Variants in TTC23 observed in about 807,000 individuals in gnomAD.
The protein encoded by TTC23 is tetratricopeptide repeat protein 23.
Under a neutral mutation model 55.1 loss-of-function variants are expected in TTC23, and 58 were observed. That is an observed-to-expected ratio of 1.05 (90% CI 0.85 to 1.31). The LOEUF is 1.31. TTC23 is among the 50% of genes most tolerant of loss of function. TTC23 has a pLI of 0.00. For missense variants in TTC23, 516 were observed against 534.4 expected (o/e 0.97, Z 0.34); for synonymous variants, 203 against 199.9 (o/e 1.02, Z -0.13).
chr15:99,145,150 C>T (rs996579331), intron 12 of TTC23: 2 of 152,176 alleles, frequency 1.3e-5, no homozygotes, highest in Non-Finnish European at 2.9e-5. Context: ...TTCTGAGCCA[C>T]CCAGATACCA....
chr15:99,227,189 G>A (rs566893199), intron 5 of TTC23, among the ~76,000 whole-genome samples: 3 of 152,050 alleles, frequency 2.0e-5, no homozygotes, highest in African/African-American at 7.2e-5. Flanking sequence ...TATAATCCTG[G>A]TCTTTCTCCT....
At chr15:99,205,429 A>G (rs1447859039) in intron 8 of TTC23, among the ~76,000 whole-genome samples, 1 of 152,156 alleles carries the variant, frequency 6.6e-6, no homozygotes, top group Non-Finnish European at 1.5e-5. Context: ...ATCCATGAAC[A>G]TGAAATCTTT....
intron 3 of TTC23, among the ~76,000 whole-genome samples, chr15:99,237,648 T>C (rs1190179494): frequency 6.6e-6 from 1 of 152,022 alleles, no homozygotes; most frequent in Non-Finnish European, 1.5e-5. Flanking sequence ...AAGGATGTGG[T>C]ATGACGGGGA....
chr15:99,236,564 C>G (rs967353863), intron 3 of TTC23, among the ~76,000 whole-genome samples: 1 of 151,786 alleles, frequency 6.6e-6, no homozygotes, highest in African/African-American at 2.4e-5. Context: ...CTCTTGGGCT[C>G]AAGTGATCCT....
intron 10 of TTC23, among the ~76,000 whole-genome samples, chr15:99,173,522 G>A (rs2073192754): frequency 1.3e-5 from 2 of 152,162 alleles, no homozygotes; most frequent in Admixed American, 1.3e-4. Context: ...GGAGTCTGAG[G>A]CTGCAGTGGG....
At chr15:99,162,938 C>G (rs542269103) in intron 10 of TTC23, among the ~76,000 whole-genome samples, 6 of 152,028 alleles carry the variant, frequency 3.9e-5, no homozygotes, top group African/African-American at 1.4e-4. Flanking sequence ...AAAAAATTAG[C>G]CAGATGTGAT....
intron 8 of TTC23, among the ~76,000 whole-genome samples, chr15:99,214,942 G>A (rs1000257381): frequency 7.5e-6 from 1 of 134,180 alleles, no homozygotes; most frequent in Non-Finnish European, 1.5e-5. Context: ...AGCAACCTCT[G>A]CCTCTCGGGT....
intron 12 of TTC23, among the ~76,000 whole-genome samples, chr15:99,141,230 A>G (rs2068200299): frequency 6.6e-6 from 1 of 152,216 alleles, no homozygotes; most frequent in African/African-American, 2.4e-5. Flanking sequence ...TATGTGATAT[A>G]TAAATGTTTG....
intron 3 of TTC23, among the ~76,000 whole-genome samples, chr15:99,238,463 A>G (rs2079505516): frequency 6.6e-6 from 1 of 152,186 alleles, no homozygotes; most frequent in African/African-American, 2.4e-5. Flanking sequence ...GACTTCAGAA[A>G]TGGGAATCAT....
intron 9 of TTC23, among the ~76,000 whole-genome samples, chr15:99,183,755 T>A (rs555226550): frequency 5.9e-5 from 9 of 152,114 alleles, no homozygotes; most frequent in African/African-American, 1.9e-4. Flanking sequence ...TGGGGAGAAA[T>A]TCAAGCTGTC....
chr15:99,186,843 A>C (rs1170122787), intron 9 of TTC23, among the ~76,000 whole-genome samples: 3 of 152,146 alleles, frequency 2.0e-5, no homozygotes, highest in African/African-American at 7.2e-5. Flanking sequence ...AGTGATTGAA[A>C]GGCTTAATAT....
At chr15:99,240,923 T>A (rs1044273190) in intron 3 of TTC23, among the ~76,000 whole-genome samples, 1 of 152,222 alleles carries the variant, frequency 6.6e-6, no homozygotes, top group Non-Finnish European at 1.5e-5. Context: ...GGAGGTATGC[T>A]ACCTGTCTGG....
At chr15:99,229,660 C>A (rs558624510) in intron 4 of TTC23, among the ~76,000 whole-genome samples, 2 of 152,308 alleles carry the variant, frequency 1.3e-5, no homozygotes, top group South Asian at 4.1e-4. Flanking sequence ...GGACAGAATA[C>A]TGATTAGCAT....
chr15:99,163,030 C>T (rs1484143197), intron 10 of TTC23, among the ~76,000 whole-genome samples: 4 of 152,102 alleles, frequency 2.6e-5, no homozygotes, highest in Non-Finnish European at 5.9e-5. Context: ...CTTCAGTGAG[C>T]TGTGATCATA....
intron 9 of TTC23, among the ~76,000 whole-genome samples, chr15:99,192,495 C>A (rs539521348): frequency 2.0e-5 from 3 of 152,216 alleles, no homozygotes; most frequent in Non-Finnish European, 2.9e-5. Context: ...TCAGAGGGTG[C>A]AAGCCTGAAG....
At chr15:99,227,041 G>A (rs1369112327) in intron 5 of TTC23, among the ~76,000 whole-genome samples, 2 of 152,214 alleles carry the variant, frequency 1.3e-5, no homozygotes, top group South Asian at 2.1e-4. Context: ...ATGCCTTTGG[G>A]CATGAGGGCT....
intron 3 of TTC23, among the ~76,000 whole-genome samples, chr15:99,239,048 G>A (rs1181849478): frequency 2.0e-5 from 3 of 152,166 alleles, no homozygotes; most frequent in Non-Finnish European, 4.4e-5. Context: ...GAGTTTGATT[G>A]ACTCATTTCC....
At chr15:99,181,127 G>A (rs893589287) in intron 9 of TTC23, among the ~76,000 whole-genome samples, 13 of 152,224 alleles carry the variant, frequency 8.5e-5, no homozygotes, top group African/African-American at 2.4e-4. Context: ...CACATGGTGC[G>A]TCAGCAGCAG....
chr15:99,143,481 C>G (rs2068477835), intron 12 of TTC23, among the ~76,000 whole-genome samples: 1 of 152,176 alleles, frequency 6.6e-6, no homozygotes. Context: ...CATTCTCCAC[C>G]ATAAATAAAG....
Sources: gnomAD v4.1 joint callset for allele counts (sites outside exome capture counted in the v4.1 genomes callset) on GRCh38, gnomAD v4.1.1 for gene constraint, MANE v1.5 for transcripts, NCBI Gene and HGNC (gene_info 2026-07-23, HGNC 2026-07-21) for gene names.